Variants in DRG2 observed in about 807,000 individuals in gnomAD.
The protein encoded by DRG2 is developmentally-regulated GTP-binding protein 2.
DRG2 carries 36 observed loss-of-function variants against 53.4 expected under a neutral mutation model. The observed-to-expected ratio is 0.67, with a 90% CI of 0.52 to 0.89. The LOEUF is 0.89. Ranked by LOEUF, DRG2 falls within the 40% of genes least tolerant of loss-of-function variation. The probability of loss-of-function intolerance (pLI) is 0.00; values close to 1 mark genes in which losing one functional copy is unlikely to be tolerated. For missense variants in DRG2, 342 were observed against 481.2 expected, an observed-to-expected ratio of 0.71 and a Z score of 2.71; for synonymous variants, 167 against 192.1, an observed-to-expected ratio of 0.87 and a Z score of 1.08.
chr17:18,093,737 G>A (rs2045378168), intron 1 of DRG2, 76 bp from the exon 2 acceptor site: 31 of 1,512,880 alleles, frequency 2.0e-5, no homozygotes, highest in Middle Eastern at 2.0e-4. Context: ...AGCACTTGGC[G>A]ACATGTGGGC....
chr17:18,090,406 A>AT (rs1186716416), intron 1 of DRG2, among the ~76,000 whole-genome samples: 16 of 22,680 alleles, frequency 7.1e-4, no homozygotes, highest in East Asian at 1.2e-3. Context: ...ATATATATAT[A>AT]TTTTTTTTTT....
At chr17:18,095,783 C>T (rs2045425236) in intron 2 of DRG2, 1 of 152,210 alleles carries the variant, frequency 6.6e-6, no homozygotes, top group African/African-American at 2.4e-5. Context: ...ATACCCCACA[C>T]CCATTTTCCC....
Position 18,094,162 on chromosome 17 carries a change from G to C in DRG2, c.225+189G>C, listed in dbSNP as rs1255699272. 8.7e-6 allele frequency: 6 copies of C among 692,400 alleles called. No homozygotes were observed. The African/African-American group carries it at 1.1e-4, about 13-fold the overall frequency. The allele number at this position is 692,400 out of a possible 1,614,324, so 42.9% of individuals were successfully genotyped here. A position where few individuals can be genotyped will look rare whatever the true frequency, so the allele number is the denominator to read the frequency against. On this transcript the variant is annotated intron_variant, in intron 2 of 12. Transcript: ENST00000225729. The stretch of plus-strand genomic sequence containing the variant: ...AGGACGCTCTTTCCTCTTGCCAGCA[G>C]ATGGAGCCCTACTTGGTCTTCCGAC...
At chr17:18,106,158 CCT>C (rs1400171507) in intron 11 of DRG2, 12 of 501,522 alleles carry the variant, frequency 2.4e-5, no homozygotes, top group Non-Finnish European at 4.4e-5. Context: ...CAGCCAGGCC[CCT>C]GACCTTCCCC....
At chr17:18,093,698 A>G in intron 1 of DRG2, 115 bp from the exon 2 acceptor site, 2 of 1,216,278 alleles carry the variant, frequency 1.6e-6, no homozygotes, top group Non-Finnish European at 2.3e-6. Flanking sequence ...TTTTCTCCTG[A>G]TCTCCTTGAC....
rs540912456 is a variant in DRG2 at position 18,103,977 on chromosome 17, G to A, written c.895+88G>A. The A allele has an allele frequency of 7.7e-7, 1 of 1,302,902 alleles. No homozygotes were observed. Among genetic ancestry groups the A allele is most frequent in the Non-Finnish European group, 1.1e-6 (1 of 902,354 alleles). The allele number at this position is 1,302,902 out of a possible 1,614,324, so 80.7% of individuals were successfully genotyped here. A position where few individuals can be genotyped will look rare whatever the true frequency, so the allele number is the denominator to read the frequency against. On this transcript the variant is annotated intron_variant, in intron 10 of 12. Coordinates refer to ENST00000225729, the MANE Select transcript of DRG2 (RefSeq NM_001388.5). The surrounding 1 kb of genome is among the most constrained non-coding windows in gnomAD (Gnocchi z 4.4). The stretch of plus-strand genomic sequence containing the variant: ...CGGTGTGTGGTGCCCAGAGACCCCA[G>A]CACCGGCTCTGGCCTGGCTTGTCTA...
chr17:18,099,889 C>T lies in DRG2; in HGVS notation c.467+166C>T. ...CACCACCCAGCCTATGGCGTCTTCT[C>T]CTCAAGGCTTGTGTCCAGCCAGCAC... On this transcript the variant is annotated intron_variant, in intron 5 of 12. Coordinates refer to ENST00000225729, the MANE Select transcript of DRG2 (RefSeq NM_001388.5). The surrounding 1 kb of genome is among the most constrained non-coding windows in gnomAD (Gnocchi z 4.4). The T allele has an allele frequency of 2.9e-6, 2 of 693,364 alleles. No individual in the cohort carries two copies. Among genetic ancestry groups the T allele is most frequent in the Non-Finnish European group, 4.9e-6 (2 of 406,120 alleles). The allele number at this position is 693,364 out of a possible 1,614,324, so 43.0% of individuals were successfully genotyped here. A position where few individuals can be genotyped will look rare whatever the true frequency, so the allele number is the denominator to read the frequency against.
In DRG2 at chr17:18,093,797, G is replaced by A. The variant is rs1382302948; in HGVS notation, c.65-16G>A. 1 of 1,611,716 alleles carries A rather than the reference G, an allele frequency of 6.2e-7. No individual in the cohort carries two copies. Among genetic ancestry groups the A allele is most frequent in the Non-Finnish European group, 8.5e-7 (1 of 1,178,432 alleles). On this transcript the variant is annotated splice_polypyrimidine_tract_variant and intron_variant, in intron 1 of 12. Coordinates refer to ENST00000225729, the MANE Select transcript of DRG2 (RefSeq NM_001388.5). ...ACCCTGGCCACTCATCTTCTGTCTTGCTTTCCATCCTTTAGCCACTGAGTA... is the reference window on the plus strand; with the variant it reads ...ACCCTGGCCACTCATCTTCTGTCTTACTTTCCATCCTTTAGCCACTGAGTA...
chr17:18,095,582 T>A (rs1304710207), intron 2 of DRG2: 1 of 151,520 alleles, frequency 6.6e-6, no homozygotes, highest in East Asian at 2.0e-4. Flanking sequence ...CCTTTTTTAG[T>A]AGAGACAGGG....
rs373215355 is a variant in DRG2, at chr17:18,101,902, T to C, written c.730-19T>C. ...CTTGCTCCTGTCCTCAGCACCGGCCTCCACCTTCTCAATCTCAGGTTTATA... is the reference window on the plus strand; with the variant it reads ...CTTGCTCCTGTCCTCAGCACCGGCCCCCACCTTCTCAATCTCAGGTTTATA... On this transcript the variant is annotated intron_variant, in intron 8 of 12. Transcript: ENST00000225729. 501 of 1,606,460 alleles carry C rather than the reference T, an allele frequency of 3.1e-4. No individual in the cohort carries two copies. The highest frequency in any genetic ancestry group is 3.9e-4 in the Non-Finnish European group (464 of 1,175,780).
intron 12 of DRG2, 151 bp downstream of exon 12, chr17:18,106,637 C>A: frequency 5.3e-6 from 4 of 747,912 alleles, no homozygotes; most frequent in Non-Finnish European, 8.8e-6. Context: ...ATAGAATGTA[C>A]ATGCCAACCC....
chr17:18,096,327 A>G (rs1447996722), intron 2 of DRG2: 1 of 152,184 alleles, frequency 6.6e-6, no homozygotes, highest in African/African-American at 2.4e-5. Flanking sequence ...ATTCTTCTGC[A>G]TGGGAGATTT....
At chr17:18,091,925 A>G (rs1048296372) in intron 1 of DRG2, 5 of 152,208 alleles carry the variant, frequency 3.3e-5, no homozygotes, top group African/African-American at 1.2e-4. Context: ...CAGATTAAGA[A>G]ACTGATGCAC....
chr17:18,090,406 A>ATATTTTTTTTTTT (rs1555532983), intron 1 of DRG2, among the ~76,000 whole-genome samples: 1 of 22,704 alleles, frequency 4.4e-5, no homozygotes, highest in Non-Finnish European at 7.3e-5. Flanking sequence ...ATATATATAT[A>ATATTTTTTTTTTT]TTTTTTTTTT....
In DRG2 at chr17:18,102,682, A is replaced by G. The variant is rs149475055; in HGVS notation, c.806+685A>G. Reference sequence around the variant, plus strand: ...AGTAGTGAACCAAGGTCCCCCCAAGAAGCCCTGGGTGTGAGCCTACCTCTC... The same window carrying G: ...AGTAGTGAACCAAGGTCCCCCCAAGGAGCCCTGGGTGTGAGCCTACCTCTC... On this transcript the variant is annotated intron_variant, in intron 9 of 12. Transcript: ENST00000225729. 5.3e-3 allele frequency among the ~76,000 whole-genome samples: 807 copies of G among 151,508 alleles called. 6 individuals carry two copies. Among genetic ancestry groups the G allele is most frequent in the African/African-American group, 0.019 (780 of 41,260 alleles).
Position 18,090,394 on chromosome 17 carries a change from A to T in DRG2, c.64+2307A>T, listed in dbSNP as rs1567598066. 9.6e-4 allele frequency among the ~76,000 whole-genome samples: 11 copies of T among 11,408 alleles called. 2 individuals carry two copies. The highest frequency in any genetic ancestry group is 3.2e-3 in the East Asian group (1 of 316). The allele number at this position is 11,408 out of a possible 152,430, so 7.5% of individuals were successfully genotyped here. A position where few individuals can be genotyped will look rare whatever the true frequency, so the allele number is the denominator to read the frequency against. On this transcript the variant is annotated intron_variant, in intron 1 of 12. Transcript: ENST00000225729. ...TATATATATATATATATATATATATATATATATATATATTTTTTTTTTTTT... is the reference window on the plus strand; with the variant it reads ...TATATATATATATATATATATATATTTATATATATATATTTTTTTTTTTTT...
chr17:18,094,144 T>C (rs115803298), intron 2 of DRG2, 171 bp downstream of exon 2: 13 of 842,384 alleles, frequency 1.5e-5, no homozygotes, highest in African/African-American at 1.4e-4. Flanking sequence ...TGGAGGACGC[T>C]CTTTCCTCTT....
At position 18,099,162 on chromosome 17, in the gene DRG2, C is replaced by T; in HGVS notation, c.376+85C>T. 1.3e-6 allele frequency: 2 copies of T among 1,545,964 alleles called. No individual in the cohort carries two copies. The highest frequency in any genetic ancestry group is 1.8e-6 in the Non-Finnish European group (2 of 1,123,248). On this transcript the variant is annotated intron_variant, in intron 4 of 12. Transcript: ENST00000225729. The surrounding 1 kb of genome is among the most constrained non-coding windows in gnomAD (Gnocchi z 4.4). The stretch of plus-strand genomic sequence containing the variant: ...TTGGGTGTGGCTGTCATGGAGATCA[C>T]TCTGGATCCCTGGTCCATTATCCCG...
rs147529975 is a variant in DRG2, at chr17:18,100,400, C to T, written c.505C>T (p.Arg169Cys). 7.4e-5 allele frequency: 119 copies of T among 1,614,066 alleles called. No individual in the cohort carries two copies. The highest frequency in any genetic ancestry group is 9.5e-5 in the Non-Finnish European group (112 of 1,180,044). Reference sequence around the variant, plus strand: ...GAAGGAGCTGGAGTCTGTGGGCATCCGCCTCAACAAGCACAAGCCTAACAT... The same window carrying T: ...GAAGGAGCTGGAGTCTGTGGGCATCTGCCTCAACAAGCACAAGCCTAACAT... ...LEKELESVGIRLNKHKPNIYF... is the reference protein window; with the variant it reads ...LEKELESVGICLNKHKPNIYF... The change falls in exon 6 of 13, where the codon CGC becomes TGC. Residue 169 changes from arginine (R) to cysteine (C), a missense_variant. Transcript: ENST00000225729. This position sits in a 1 kb window ranked among gnomAD's most constrained non-coding sequence, Gnocchi z 4.1.
Sources: gnomAD v4.1 joint callset for allele counts (sites outside exome capture counted in the v4.1 genomes callset) on GRCh38, gnomAD v4.1.1 for gene constraint, Gnocchi (gnomAD v3.1) non-coding constraint, MANE v1.5 for transcripts, NCBI Gene and HGNC (gene_info 2026-07-23, HGNC 2026-07-21) for gene names.